The following NRIP2 variants were observed in gnomAD, a reference collection of about 807,000 sequenced individuals.
NRIP2 encodes nuclear receptor interacting protein 2.
In NRIP2, 27 loss-of-function variants were observed where a neutral mutation model predicts 34.1. That is an observed-to-expected ratio of 0.79 (90% CI 0.58 to 1.09). The LOEUF (loss-of-function observed/expected upper bound fraction) is 1.09. NRIP2 is among the 50% of genes least tolerant of loss of function. The pLI is 0.00. For missense variants in NRIP2, 385 were observed against 352.6 expected (o/e 1.09, Z -0.74); for synonymous variants, 145 against 146.9 (o/e 0.99, Z 0.09).
chr12:2,834,715 TG>T lies in NRIP2; in HGVS notation c.268del (p.Gln90SerfsTer30), dbSNP rs768854257. 4 of 1,614,032 alleles carry T rather than the reference TG, an allele frequency of 2.5e-6. No individual in the cohort carries two copies. The highest frequency in any genetic ancestry group is 1.1e-5 in the South Asian group (1 of 91,070). On this transcript the variant is annotated frameshift_variant, in exon 1 of 6. Transcript: ENST00000337508. LOFTEE classifies it high-confidence loss of function. Reference sequence around the variant, plus strand: ...GTCGGCCGAGTCCTTGTGCAGGAACTGGGTGGCCTGTTTGAGCCGGCGCTGC... The same window carrying T: ...GTCGGCCGAGTCCTTGTGCAGGAACTGGTGGCCTGTTTGAGCCGGCGCTGC... ...SQQRRLKQAT[Q>X]FLHKDSADLL... is the part of the protein sequence containing the mutation.
At chr12:2,834,564 G>A (rs2098018851) in intron 1 of NRIP2, 78 bp downstream of exon 1, 3 of 1,510,456 alleles carry the variant, frequency 2.0e-6, no homozygotes, top group Non-Finnish European at 2.6e-6. Flanking sequence ...GCACTTTCTG[G>A]TCCTGCCTCC....
chr12:2,829,396 T>A (rs1340030432), intron 2 of NRIP2, among the ~76,000 whole-genome samples: 1 of 152,216 alleles, frequency 6.6e-6, no homozygotes, highest in East Asian at 1.9e-4. Context: ...GGAAGGTATA[T>A]CAATGAATGC....
chr12:2,834,846 A>C lies in NRIP2; in HGVS notation c.138T>G (p.Pro46=), dbSNP rs1209713479. 2 of 1,613,262 alleles carry C rather than the reference A, an allele frequency of 1.2e-6. No individual in the cohort carries two copies. The highest frequency in any genetic ancestry group is 4.5e-5 in the East Asian group (2 of 44,806). ...GCTTGGTGCTCATGGCCCCTGCTGG[A>C]GGAGTGGGCCAGGGGCTGCTCGGTG... ...TPPPSSPWPT[P]PAGAMSTKQE... is the part of the protein sequence containing the mutation. The change falls in exon 1 of 6, where the codon CCT becomes CCG. Residue 46 remains proline (P), a synonymous_variant. Transcript: ENST00000337508.
intron 1 of NRIP2, among the ~76,000 whole-genome samples, chr12:2,832,976 C>T (rs1300498856): frequency 1.3e-5 from 2 of 151,938 alleles, no homozygotes; most frequent in African/African-American, 4.8e-5. Context: ...CACTTCCCAT[C>T]TTCCACCTTC....
Position 2,827,806 on chromosome 12 carries a change from G to T in NRIP2, c.700+120C>A. On this transcript the variant is annotated intron_variant, in intron 4 of 5. Coordinates refer to ENST00000337508, the MANE Select transcript of NRIP2 (RefSeq NM_031474.3). This position sits in a 1 kb window ranked among gnomAD's most constrained non-coding sequence, Gnocchi z 4.0. Reference sequence around the variant, plus strand: ...CGAGGACACTGGCACAGAGATGGGGGATAGTCAGAACATCTCTGGGAACTC... The same window carrying T: ...CGAGGACACTGGCACAGAGATGGGGTATAGTCAGAACATCTCTGGGAACTC... 8 of 1,603,210 alleles carry T rather than the reference G, an allele frequency of 5.0e-6. No individual in the cohort carries two copies. Among genetic ancestry groups the T allele is most frequent in the Non-Finnish European group, 6.8e-6 (8 of 1,175,274 alleles).
At chr12:2,831,381 C>T (rs894402161) in intron 1 of NRIP2, among the ~76,000 whole-genome samples, 5 of 151,778 alleles carry the variant, frequency 3.3e-5, no homozygotes, top group South Asian at 4.2e-4. Context: ...GTCAGGAGTT[C>T]GAGACCAGCC....
chr12:2,834,975 A>G lies in NRIP2; in HGVS notation c.9T>C (p.Phe3=). The change falls in exon 1 of 6, where the codon TTT becomes TTC. Residue 3 remains phenylalanine (F), a synonymous_variant. Transcript: ENST00000337508. ...TCCACGGGAGGGAAAGAGGAAAAAT[A>G]AATAACATGCAGGAGCAGCCGCGTC... The part of the protein sequence containing the change: ML[F]IFPLSLPWRP... 6.3e-7 allele frequency: 1 copy of G among 1,580,158 alleles called. No homozygotes were observed. The highest frequency in any genetic ancestry group is 1.7e-4 in the Middle Eastern group (1 of 5,876).
intron 2 of NRIP2, 35 bp downstream of exon 2, chr12:2,830,670 GGTT>G (rs1350506332): frequency 6.3e-7 from 1 of 1,582,666 alleles, no homozygotes; most frequent in Non-Finnish European, 8.6e-7. Flanking sequence ...GTGCAGGCAG[GGTT>G]GTTAATGAAA....
intron 3 of NRIP2, 117 bp downstream of exon 3, chr12:2,828,215 A>C: frequency 8.5e-7 from 1 of 1,175,428 alleles, no homozygotes; most frequent in Non-Finnish European, 1.3e-6. Flanking sequence ...CTTTTGTTAA[A>C]TAACAGCTTT....
Position 2,830,825 on chromosome 12 carries a change from C to T in NRIP2, c.378G>A (p.Glu126=). ...PRSVIQRRLV[E]GNPNWLQGEP... ...CCCCCTGAAGCCAATTCGGGTTTCC[C>T]TCCACCAGGCGTCTTTGGATCACAC... Residue 126 remains glutamate (E), a synonymous_variant, in exon 2 of 6, where the codon GAG becomes GAA. Coordinates refer to ENST00000337508, the MANE Select transcript of NRIP2 (RefSeq NM_031474.3). 2.5e-6 allele frequency: 4 copies of T among 1,613,770 alleles called. 1 individual carries two copies. The highest frequency in any genetic ancestry group is 1.3e-5 in the African/African-American group (1 of 75,026).
chr12:2,829,778 CAAAA>C (rs1219151909), intron 2 of NRIP2, among the ~76,000 whole-genome samples: 1 of 147,164 alleles, frequency 6.8e-6, no homozygotes, highest in Admixed American at 6.8e-5. Flanking sequence ...AAAAAATAAA[CAAAA>C]GGACCGGAAA....
In NRIP2 at chr12:2,830,849, A is replaced by G; in HGVS notation, c.354T>C (p.Ser118=). The G allele has an allele frequency of 6.2e-7, 1 of 1,613,022 alleles. No individual in the cohort carries two copies. Among genetic ancestry groups the G allele is most frequent in the African/African-American group, 1.3e-5 (1 of 74,958 alleles). ...CCTCCACCAGGCGTCTTTGGATCAC[A>G]CTGCGCGGCTGCTGGCTCCATCACA... The part of the protein sequence containing the change: ...LGTSKDLQPR[S]VIQRRLVEGN... Residue 118 remains serine (S), a synonymous_variant, in exon 2 of 6, where the codon AGT becomes AGC. Coordinates refer to ENST00000337508, the MANE Select transcript of NRIP2 (RefSeq NM_031474.3).
chr12:2,834,479 G>A (rs900043319), intron 1 of NRIP2, among the ~76,000 whole-genome samples, 163 bp downstream of exon 1: 3 of 152,168 alleles, frequency 2.0e-5, no homozygotes, highest in African/African-American at 4.8e-5. Flanking sequence ...GAACATCCCC[G>A]GTGAAGAGCC....
In NRIP2 at chr12:2,826,170, A is replaced by G. The variant is rs2097965871; in HGVS notation, c.*1037T>C. 6.6e-6 allele frequency: 1 copy of G among 151,960 alleles called. No individual in the cohort carries two copies. The highest frequency in any genetic ancestry group is 2.1e-4 in the South Asian group (1 of 4,794). The allele number at this position is 151,960 out of a possible 1,614,324, so 9.4% of individuals were successfully genotyped here. A position where few individuals can be genotyped will look rare whatever the true frequency, so the allele number is the denominator to read the frequency against. On this transcript the variant is annotated 3_prime_UTR_variant, in exon 6 of 6. Transcript: ENST00000337508. ...GGTTCTTCTCTTCACAGTGAATTCA[A>G]AAAAGCCTCTGTCTCCTGACAGACC...
intron 3 of NRIP2, 138 bp from the exon 4 acceptor site, chr12:2,828,185 G>T: frequency 8.7e-7 from 1 of 1,150,928 alleles, no homozygotes; most frequent in Non-Finnish European, 1.3e-6. Flanking sequence ...TGCCTTCTCT[G>T]CCAGAGTCTT....
In NRIP2 at chr12:2,827,931, A is replaced by G. The variant is rs1397035680; in HGVS notation, c.695T>C (p.Val232Ala). ...GQETVVCSAQ[V>A]VDAESPEFCL... ...TTGCAGAAGGGGGGACTTACCCACCACCTGTGCCGAGCACACCACAGTCTC... is the reference window on the plus strand; with the variant it reads ...TTGCAGAAGGGGGGACTTACCCACCGCCTGTGCCGAGCACACCACAGTCTC... The change falls in exon 4 of 6, where the codon GTG becomes GCG. Residue 232 changes from valine (V) to alanine (A), a missense_variant. By Grantham distance (64) the Val-to-Ala change is moderately conservative. Transcript: ENST00000337508. The surrounding 1 kb of genome is among the most constrained non-coding windows in gnomAD (Gnocchi z 4.0). 6.2e-7 allele frequency: 1 copy of G among 1,614,082 alleles called. No homozygotes were observed. Among genetic ancestry groups the G allele is most frequent in the Admixed American group, 1.7e-5 (1 of 60,030 alleles).
At position 2,830,706 on chromosome 12, in the gene NRIP2, A is replaced by G. The variant is rs2097997092; in HGVS notation, c.495+2T>C. On this transcript the variant is annotated splice_donor_variant, in intron 2 of 5. Coordinates refer to ENST00000337508, the MANE Select transcript of NRIP2 (RefSeq NM_031474.3). LOFTEE classifies it high-confidence loss of function. Reference sequence around the variant, plus strand: ...AAAGTGTGTCCCTGGGAGGCCTCTCACCTTGCAGTTGACCAGAAGAGCTGG... The same window carrying G: ...AAAGTGTGTCCCTGGGAGGCCTCTCGCCTTGCAGTTGACCAGAAGAGCTGG... The G allele has an allele frequency of 1.2e-6, 2 of 1,608,432 alleles. No individual in the cohort carries two copies. Among genetic ancestry groups the G allele is most frequent in the African/African-American group, 2.7e-5 (2 of 74,620 alleles).
Position 2,825,510 on chromosome 12 carries a change from A to C in NRIP2, c.*1697T>G, listed in dbSNP as rs926535541. ...TGGAGCAAGGCAGTGAGGGCGAGGAAAGCTTTTAGGATTTTGAGACCAGGT... is the reference window on the plus strand; with the variant it reads ...TGGAGCAAGGCAGTGAGGGCGAGGACAGCTTTTAGGATTTTGAGACCAGGT... On this transcript the variant is annotated 3_prime_UTR_variant, in exon 6 of 6. Transcript: ENST00000337508. 6 of 152,486 alleles carry C rather than the reference A, an allele frequency of 3.9e-5. No homozygotes were observed. Among genetic ancestry groups the C allele is most frequent in the Non-Finnish European group, 7.3e-5 (5 of 68,168 alleles). The allele number at this position is 152,486 out of a possible 1,614,324, so 9.4% of individuals were successfully genotyped here. A position where few individuals can be genotyped will look rare whatever the true frequency, so the allele number is the denominator to read the frequency against.
chr12:2,830,804 CT>C lies in NRIP2; in HGVS notation c.398del (p.Gln133ArgfsTer10), dbSNP rs1460854082. 2 of 1,613,746 alleles carry C rather than the reference CT, an allele frequency of 1.2e-6. No individual in the cohort carries two copies. The highest frequency in any genetic ancestry group is 1.3e-5 in the African/African-American group (1 of 74,896). ...GGTCCTGCATCCGGGGAGGCTCCCC[CT>C]GAAGCCAATTCGGGTTTCCCTCCAC... ...RLVEGNPNWLQGEPPRMQDLI... is the reference protein window; with the variant it reads ...RLVEGNPNWLXGEPPRMQDLI... On this transcript the variant is annotated frameshift_variant, in exon 2 of 6. Transcript: ENST00000337508. LOFTEE classifies it high-confidence loss of function.
Sources: allele counts gnomAD v4.1 joint callset (sites outside exome capture counted in the v4.1 genomes callset), GRCh38; gene constraint gnomAD v4.1.1; non-coding constraint Gnocchi (gnomAD v3.1); transcripts MANE v1.5; gene names NCBI Gene and HGNC (gene_info 2026-07-23, HGNC 2026-07-21).